The following EHD4 variants were observed in gnomAD, a reference collection of about 807,000 sequenced individuals.
The protein encoded by EHD4 is EH domain-containing protein 4.
Under a neutral mutation model 51.0 loss-of-function variants are expected in EHD4, and 37 were observed. The observed-to-expected ratio is 0.73, with a 90% CI of 0.56 to 0.95. The LOEUF is 0.95. EHD4 is among the 40% of genes least tolerant of loss of function. EHD4 has a pLI of 0.00. For synonymous variants in EHD4, 297 were observed against 317.3 expected, an observed-to-expected ratio of 0.94 and a Z score of 0.68; for missense variants, 632 against 733.1, an observed-to-expected ratio of 0.86 and a Z score of 1.59.
Position 41,900,575 on chromosome 15 carries a change from G to A in EHD4, c.*70C>T, listed in dbSNP as rs915024473. 2.0e-4 allele frequency: 290 copies of A among 1,446,634 alleles called. No homozygotes were observed. In the African/African-American group the frequency reaches 3.3e-3, roughly 16 times the overall value. The allele number at this position is 1,446,634 out of a possible 1,614,324, so 89.6% of individuals were successfully genotyped here. A position where few individuals can be genotyped will look rare whatever the true frequency, so the allele number is the denominator to read the frequency against. On this transcript the variant is annotated 3_prime_UTR_variant, in exon 6 of 6. Transcript: ENST00000220325. The surrounding 1 kb of genome is among the most constrained non-coding windows in gnomAD (Gnocchi z 4.8). ...GGCAGTGCCTTGCCCAAGGTCATTC[G>A]GTGAGTCAGTGGTGGAGCAGGCCTG...
At chr15:41,919,683 G>C (rs980481918) in intron 3 of EHD4, 61 bp from the exon 4 acceptor site, 1 of 1,454,008 alleles carries the variant, frequency 6.9e-7, no homozygotes, top group East Asian at 2.4e-5. Context: ...TTTAATGGGC[G>C]GCTCAGGAAC....
rs867320655 is a variant in EHD4, at chr15:41,940,108, C to T, written c.511+2959G>A. ...GGCTGGGATTATAGGCGTGAGCCAC[C>T]GCGCCCAGCCACTCAGCTTTTGAGG... On this transcript the variant is annotated intron_variant, in intron 3 of 5. Coordinates refer to ENST00000220325, the MANE Select transcript of EHD4 (RefSeq NM_139265.4). 1.2e-4 allele frequency among the ~76,000 whole-genome samples: 18 copies of T among 152,240 alleles called. No individual in the cohort carries two copies. In the Middle Eastern group the frequency reaches 0.01, roughly 86 times the overall value.
At chr15:41,947,437 C>A (rs558385131) in intron 2 of EHD4, among the ~76,000 whole-genome samples, 23 of 152,222 alleles carry the variant, frequency 1.5e-4, no homozygotes, top group Non-Finnish European at 2.6e-4. Context: ...GGCCTGCGGA[C>A]TTCCAGGTTT....
chr15:41,963,699 A>C (rs566468468), intron 1 of EHD4, among the ~76,000 whole-genome samples: 4 of 152,174 alleles, frequency 2.6e-5, no homozygotes, highest in Non-Finnish European at 2.9e-5. Context: ...AAAAAGGAAA[A>C]ATTGTTAGAT....
At chr15:41,909,956 T>C in intron 4 of EHD4, 93 bp from the exon 5 acceptor site, 1 of 1,494,794 alleles carries the variant, frequency 6.7e-7, no homozygotes, top group Non-Finnish European at 9.2e-7. Context: ...TCATAACACA[T>C]AACAGGTACC....
chr15:41,913,526 A>G (rs2067563518), intron 4 of EHD4, among the ~76,000 whole-genome samples: 1 of 152,216 alleles, frequency 6.6e-6, no homozygotes, highest in Admixed American at 6.5e-5. Flanking sequence ...CAGCGTGCTC[A>G]TCCACAAATT....
chr15:41,961,507 A>G (rs999984663), intron 1 of EHD4, among the ~76,000 whole-genome samples: 7 of 152,350 alleles, frequency 4.6e-5, no homozygotes, highest in Admixed American at 4.6e-4. Context: ...GGAACACAGC[A>G]TATCCCAAAG....
chr15:41,949,191 G>A (rs779429438), intron 2 of EHD4, among the ~76,000 whole-genome samples: 15 of 151,132 alleles, frequency 9.9e-5, no homozygotes, highest in Admixed American at 2.0e-4. Flanking sequence ...CCAACATGGT[G>A]AAACCTCATC....
At chr15:41,913,161 C>T (rs947971722) in intron 4 of EHD4, among the ~76,000 whole-genome samples, 2 of 152,126 alleles carry the variant, frequency 1.3e-5, no homozygotes, top group African/African-American at 4.8e-5. Flanking sequence ...GTGAAGACTG[C>T]GAGCTGCTGG....
intron 4 of EHD4, among the ~76,000 whole-genome samples, chr15:41,916,350 C>T (rs551731067): frequency 6.6e-5 from 10 of 152,210 alleles, no homozygotes; most frequent in Non-Finnish European, 1.2e-4. Context: ...GTATACTTTG[C>T]AGCTTACAGG....
At chr15:41,915,626 C>T (rs909543897) in intron 4 of EHD4, among the ~76,000 whole-genome samples, 3 of 152,196 alleles carry the variant, frequency 2.0e-5, no homozygotes, top group African/African-American at 7.2e-5. Context: ...TGATAGTGAA[C>T]TTGCATTGTT....
rs115252063 is a variant in EHD4, at chr15:41,967,188, C to T, written c.236+5071G>A. Among the ~76,000 whole-genome samples, 689 of 152,334 alleles carry T rather than the reference C, an allele frequency of 4.5e-3. 4 individuals are homozygous for T. The highest frequency in any genetic ancestry group is 0.015 in the African/African-American group (641 of 41,572). On this transcript the variant is annotated intron_variant, in intron 1 of 5. Coordinates refer to ENST00000220325, the MANE Select transcript of EHD4 (RefSeq NM_139265.4). Reference sequence around the variant, plus strand: ...GCCTCATGGGTGACACCTCCCCACCCTCACTCCCTGGCCCTCTTTGGGCAG... The same window carrying T: ...GCCTCATGGGTGACACCTCCCCACCTTCACTCCCTGGCCCTCTTTGGGCAG...
Position 41,953,906 on chromosome 15 carries a change from T to C in EHD4, c.271A>G (p.Ile91Val). The C allele has an allele frequency of 6.2e-7, 1 of 1,613,176 alleles. No individual in the cohort carries two copies. Among genetic ancestry groups the C allele is most frequent in the Non-Finnish European group, 8.5e-7 (1 of 1,179,758 alleles). Reference protein sequence around the residue: ...LLEQDFPGMRIGPEPTTDSFI... With the variant: ...LLEQDFPGMRVGPEPTTDSFI... ...GAGTCTGTGGTGGGCTCCGGACCAA[T>C]CCTCATGCCTGGGAAATCCTGCTCC... Residue 91 changes from isoleucine (I) to valine (V), a missense_variant, in exon 2 of 6, where the codon ATT becomes GTT. Physicochemically the swap from Ile to Val is conservative, Grantham distance 29. Transcript: ENST00000220325.
chr15:41,959,395 C>CAAAAAA (rs36120701), intron 1 of EHD4, among the ~76,000 whole-genome samples: 3 of 66,412 alleles, frequency 4.5e-5, no homozygotes, highest in African/African-American at 1.4e-4. Flanking sequence ...GACTTTGTCT[C>CAAAAAA]AAAAAAAAAA....
chr15:41,923,178 C>T (rs776664439), intron 3 of EHD4, among the ~76,000 whole-genome samples: 1 of 152,182 alleles, frequency 6.6e-6, no homozygotes, highest in Non-Finnish European at 1.5e-5. Flanking sequence ...TAGCCCCTGG[C>T]GACCACCATT....
intron 1 of EHD4, among the ~76,000 whole-genome samples, chr15:41,956,214 A>G (rs1457948022): frequency 2.6e-5 from 4 of 152,242 alleles, no homozygotes; most frequent in African/African-American, 9.6e-5. Flanking sequence ...GAACCAGACG[A>G]GAACTGCAGC....
intron 2 of EHD4, among the ~76,000 whole-genome samples, chr15:41,946,470 C>T (rs2141001225): frequency 6.6e-6 from 1 of 152,302 alleles, no homozygotes; most frequent in South Asian, 2.1e-4. Context: ...ATGACTCTCC[C>T]TGTAATCCCA....
intron 4 of EHD4, among the ~76,000 whole-genome samples, chr15:41,918,217 TACAC>T (rs10682608): frequency 0.045 from 6,617 of 147,362 alleles, 251 homozygotes; most frequent in East Asian, 0.21. Flanking sequence ...CAGGGAGCTT[TACAC>T]ACACACACAC....
chr15:41,918,179 T>C (rs16972246), intron 4 of EHD4, among the ~76,000 whole-genome samples: 10,261 of 151,178 alleles, frequency 0.068, 403 homozygotes, highest in South Asian at 0.097. Flanking sequence ...GCAGCATCCA[T>C]ACCATGACTG....
Sources: allele counts gnomAD v4.1 joint callset (sites outside exome capture counted in the v4.1 genomes callset), GRCh38; gene constraint gnomAD v4.1.1; non-coding constraint Gnocchi (gnomAD v3.1); transcripts MANE v1.5; gene names NCBI Gene and HGNC (gene_info 2026-07-23, HGNC 2026-07-21).